Variants in DIP2B observed in about 807,000 individuals in gnomAD.
DIP2B encodes DIP2 acetate--CoA ligase B (putative).
Under a neutral mutation model 198.0 loss-of-function variants are expected in DIP2B, and 76 were observed. The ratio of observed to expected loss-of-function variants is 0.38; its 90% CI spans 0.32 to 0.46. DIP2B has a LOEUF of 0.46. DIP2B is among the 20% of genes least tolerant of loss of function. The probability of loss-of-function intolerance (pLI) is 0.99; values close to 1 mark genes in which losing one functional copy is unlikely to be tolerated. For synonymous variants in DIP2B, 701 were observed against 739.1 expected, an observed-to-expected ratio of 0.95 and a Z score of 0.84; for missense variants, 1,559 against 1,978.4, an observed-to-expected ratio of 0.79 and a Z score of 4.02.
intron 3 of DIP2B, among the ~76,000 whole-genome samples, chr12:50,652,883 A>G (rs990541014): frequency 1.3e-5 from 2 of 151,094 alleles, no homozygotes; most frequent in African/African-American, 2.4e-5. Flanking sequence ...GTTATTATAA[A>G]TGGCATTATT....
chr12:50,719,715 C>G (rs188605105), intron 25 of DIP2B, among the ~76,000 whole-genome samples: 2 of 151,732 alleles, frequency 1.3e-5, no homozygotes, highest in African/African-American at 4.8e-5. Flanking sequence ...GTGGCGGGCA[C>G]CTGTAATCCC....
At chr12:50,700,514 T>C (rs546779350) in intron 19 of DIP2B, among the ~76,000 whole-genome samples, 1 of 152,222 alleles carries the variant, frequency 6.6e-6, no homozygotes, top group Non-Finnish European at 1.5e-5. Context: ...TTGAAATCAG[T>C]GCATGTGATT....
chr12:50,528,827 G>T (rs925784611), intron 1 of DIP2B, among the ~76,000 whole-genome samples: 3 of 152,198 alleles, frequency 2.0e-5, no homozygotes, highest in Non-Finnish European at 2.9e-5. Flanking sequence ...TGGGGGCCAG[G>T]AAGACAAGAG....
At position 50,704,170 on chromosome 12, in the gene DIP2B, G is replaced by T; in HGVS notation, c.2356G>T (p.Val786Phe). The change falls in exon 20 of 38, where the codon GTT (valine) becomes TTT (phenylalanine). Residue 786 changes from valine (V) to phenylalanine (F), a missense_variant. Physicochemically the swap from Val to Phe is conservative, Grantham distance 50 (BLOSUM62 -1). Transcript: ENST00000301180. ...TCCAGTGAATTCTGCAGGCTCTCCT[G>T]TTGGGGATGTGCCATTCATCCGATC... ...VIPVNSAGSP[V>F]GDVPFIRSGL... is the part of the protein sequence containing the mutation. 2 of 1,611,134 alleles carry T rather than the reference G, an allele frequency of 1.2e-6. No individual in the cohort carries two copies. Among genetic ancestry groups the T allele is most frequent in the East Asian group, 2.2e-5 (1 of 44,692 alleles).
chr12:50,686,939 G>A (rs758335601), intron 12 of DIP2B: 1 of 332,296 alleles, frequency 3.0e-6, no homozygotes, highest in Non-Finnish European at 5.5e-6. Flanking sequence ...AAGACTTTAG[G>A]GAAGTACAAG....
chr12:50,739,721 C>T (rs1463999901), intron 36 of DIP2B, 135 bp downstream of exon 36: 2 of 1,108,858 alleles, frequency 1.8e-6, no homozygotes, highest in African/African-American at 1.6e-5. Context: ...CCATAAGTGA[C>T]TCTCTCTTCA....
At chr12:50,628,442 T>C (rs1937978816) in intron 2 of DIP2B, among the ~76,000 whole-genome samples, 2 of 152,306 alleles carry the variant, frequency 1.3e-5, no homozygotes, top group South Asian at 4.1e-4. Flanking sequence ...GTCTGCTTTT[T>C]ACTAAAAAGT....
intron 1 of DIP2B, among the ~76,000 whole-genome samples, chr12:50,595,357 G>T (rs913457754): frequency 6.6e-6 from 1 of 151,998 alleles, no homozygotes; most frequent in Non-Finnish European, 1.5e-5. Flanking sequence ...TGTCACCAGG[G>T]CTAGAGAGCA....
At chr12:50,680,865 T>C (rs1290712505) in intron 9 of DIP2B, 102 bp downstream of exon 9, 2 of 1,091,540 alleles carry the variant, frequency 1.8e-6, no homozygotes, top group East Asian at 4.8e-5. Flanking sequence ...GGAAAATTTA[T>C]GTAACTCTTA....
At chr12:50,734,905 A>C (rs1940108817) in intron 33 of DIP2B, among the ~76,000 whole-genome samples, 168 bp from the exon 34 acceptor site, 1 of 152,160 alleles carries the variant, frequency 6.6e-6, no homozygotes, top group South Asian at 2.1e-4. Context: ...CCCTTTCAAC[A>C]AAAAATTATC....
rs752759845 is a variant in DIP2B at position 50,695,285 on chromosome 12, C to T, written c.1738C>T (p.His580Tyr). 8.1e-6 allele frequency: 13 copies of T among 1,613,528 alleles called. No individual in the cohort carries two copies. Among genetic ancestry groups the T allele is most frequent in the African/African-American group, 1.3e-5 (1 of 75,002 alleles). Residue 580 changes from histidine (H) to tyrosine (Y), a missense_variant, in exon 15 of 38, where the codon CAC becomes TAC. Coordinates refer to ENST00000301180, the MANE Select transcript of DIP2B (RefSeq NM_173602.3). Reference protein sequence around the residue: ...GMFANVMNKMHTISVPYSVMK... With the variant: ...GMFANVMNKMYTISVPYSVMK... ...TTTTCAGAATGTAATGAATAAGATGCACACAATCAGCGTACCCTACTCTGT... is the reference window on the plus strand; with the variant it reads ...TTTTCAGAATGTAATGAATAAGATGTACACAATCAGCGTACCCTACTCTGT...
chr12:50,679,052 A>G (rs537448803), intron 8 of DIP2B, 176 bp downstream of exon 8: 1 of 724,336 alleles, frequency 1.4e-6, no homozygotes, highest in African/African-American at 1.8e-5. Context: ...TTCATTTGCT[A>G]AAGCAACATT....
At chr12:50,742,065 A>T (rs1006260874) in intron 37 of DIP2B, among the ~76,000 whole-genome samples, 3 of 152,122 alleles carry the variant, frequency 2.0e-5, no homozygotes, top group Admixed American at 6.6e-5. Context: ...CTGATAAAGG[A>T]TCGTCCAACC....
At chr12:50,524,769 A>G (rs1958148403) in intron 1 of DIP2B, among the ~76,000 whole-genome samples, 1 of 152,080 alleles carries the variant, frequency 6.6e-6, no homozygotes, top group Admixed American at 6.6e-5. Flanking sequence ...TTTTTTTGAG[A>G]CAGGTTGGAG....
Position 50,667,863 on chromosome 12 carries a change from T to C in DIP2B, c.428-3323T>C, listed in dbSNP as rs183483330. On this transcript the variant is annotated intron_variant, in intron 4 of 37. Coordinates refer to ENST00000301180, the MANE Select transcript of DIP2B (RefSeq NM_173602.3). ...GAATTAATGTTGATTGGCCAGGTGC[T>C]ATGGGCTGGCACCAGTATGGGTGCT... 2.0e-5 allele frequency among the ~76,000 whole-genome samples: 3 copies of C among 152,346 alleles called. No individual in the cohort carries two copies. The East Asian group carries it at 5.8e-4, about 29-fold the overall frequency.
chr12:50,519,860 G>A (rs948678703), intron 1 of DIP2B, among the ~76,000 whole-genome samples: 9 of 150,652 alleles, frequency 6.0e-5, no homozygotes, highest in African/African-American at 2.2e-4. Context: ...TATTTTTGGA[G>A]GACTGTTGCT....
intron 1 of DIP2B, among the ~76,000 whole-genome samples, chr12:50,519,960 C>T (rs538392270): frequency 6.7e-6 from 1 of 150,074 alleles, no homozygotes; most frequent in South Asian, 2.1e-4. Flanking sequence ...AATCATGGGC[C>T]AGAACTTATG....
intron 1 of DIP2B, among the ~76,000 whole-genome samples, chr12:50,623,433 A>ACT (rs1937861192): frequency 2.1e-5 from 1 of 46,772 alleles, no homozygotes; most frequent in African/African-American, 9.3e-5. Context: ...ACACACACAC[A>ACT]CACACTCTCT....
chr12:50,584,920 A>G (rs1280209586), intron 1 of DIP2B, among the ~76,000 whole-genome samples: 1 of 152,174 alleles, frequency 6.6e-6, no homozygotes, highest in Non-Finnish European at 1.5e-5. Flanking sequence ...GCTGCATTAC[A>G]TGTAGAATCA....
Sources: allele counts gnomAD v4.1 joint callset (sites outside exome capture counted in the v4.1 genomes callset), GRCh38; gene constraint gnomAD v4.1.1; transcripts MANE v1.5; gene names NCBI Gene and HGNC (gene_info 2026-07-23, HGNC 2026-07-21).